Variants in ABL2 observed in about 807,000 individuals in gnomAD.
ABL2 encodes the protein tyrosine-protein kinase ABL2.
ABL2 carries 49 observed loss-of-function variants against 107.7 expected under a neutral mutation model. That is an observed-to-expected ratio of 0.45 (90% CI 0.36 to 0.58). The LOEUF is 0.58. Among genes scored for constraint, ABL2 ranks in the 20% least tolerant of loss-of-function variants. The probability of loss-of-function intolerance (pLI) is 0.00; values close to 1 mark genes in which losing one functional copy is unlikely to be tolerated. For missense variants in ABL2, 1,245 were observed against 1,457.0 expected, an observed-to-expected ratio of 0.85 and a Z score of 2.37; for synonymous variants, 549 against 548.6, an observed-to-expected ratio of 1.00 and a Z score of -0.01.
Position 179,147,062 on chromosome 1 carries a change from T to TA in ABL2, c.158-13689dup, listed in dbSNP as rs879571231. On this transcript the variant is annotated intron_variant, in intron 1 of 11. Transcript: ENST00000502732. ...ACATGACAGAGCCAGACCCTGTCTT[T>TA]AAAAAAAAAAAATTTAAAAAGTAGG... is the stretch of plus-strand genomic sequence containing the variant. 7.3e-3 allele frequency among the ~76,000 whole-genome samples: 1,033 copies of TA among 140,608 alleles called. 11 individuals are homozygous for TA. Among genetic ancestry groups the TA allele is most frequent in the African/African-American group, 0.021 (808 of 38,550 alleles). The allele number at this position is 140,608 out of a possible 152,430, so 92.2% of individuals were successfully genotyped here.
rs1653629374 is a variant in ABL2 at position 179,108,134 on chromosome 1, G to A, written c.3133C>T (p.Gln1045Ter). The stretch of plus-strand genomic sequence containing the variant: ...ATGGAAGATGTGGGCAGAGGCACTT[G>A]AGGTGGAGGCATCACTGGCCTCCCA... Reference protein sequence around the residue: ...KAGRPVMPPPQVPLPTSSISP... With the variant: ...KAGRPVMPPP The change falls in exon 12 of 12, where the codon CAA (glutamine) becomes TAA (stop). Residue 1045 changes from glutamine (Q) to a stop codon, truncating the protein, a stop_gained. Transcript: ENST00000502732. LOFTEE classifies it high-confidence loss of function. The A allele has an allele frequency of 2.5e-6, 4 of 1,614,116 alleles. No homozygotes were observed. The highest frequency in any genetic ancestry group is 3.4e-6 in the Non-Finnish European group (4 of 1,180,054).
chr1:179,224,569 T>C (rs1025526986), intron 1 of ABL2, among the ~76,000 whole-genome samples: 2 of 151,238 alleles, frequency 1.3e-5, no homozygotes, highest in Admixed American at 6.6e-5. Flanking sequence ...ACGCCCAGCC[T>C]AAAGTTAATT....
Position 179,108,524 on chromosome 1 carries a change from A to T in ABL2, c.2743T>A (p.Ser915Thr). 6.2e-7 allele frequency: 1 copy of T among 1,614,024 alleles called. No individual in the cohort carries two copies. The highest frequency in any genetic ancestry group is 8.5e-7 in the Non-Finnish European group (1 of 1,179,980). ...AGGACGGGGGCAGCCTTGGCTGGAG[A>T]AGGCCAGCCCGGCTGCTCTCCATCC... ...PEDGEQPGWP[S>T]PAKAAPVLPT... Residue 915 changes from serine to threonine, a missense_variant, in exon 12 of 12, where the codon TCT (serine) becomes ACT (threonine). Ser to Thr is a moderately conservative substitution (Grantham distance 58, BLOSUM62 1). Around this residue, in one of 3 missense-constraint regions of ABL2, gnomAD observed 761 missense variants for 766.4 expected, o/e 0.99. Coordinates refer to ENST00000502732, the MANE Select transcript of ABL2 (RefSeq NM_007314.4).
rs1483284432 is a variant in ABL2, at chr1:179,151,766, CAA to C, written c.158-18394_158-18393del. Among the ~76,000 whole-genome samples the C allele has an allele frequency of 3.9e-5, 6 of 152,174 alleles. No individual in the cohort carries two copies. In the East Asian group the frequency reaches 7.7e-4, roughly 20 times the overall value. On this transcript the variant is annotated intron_variant, in intron 1 of 11. Transcript: ENST00000502732. ...TTAATTTAATTCAATTTCTCCCTAACAAGAGAAATTAAATGCTGAAATGATAA... is the reference window on the plus strand; with the variant it reads ...TTAATTTAATTCAATTTCTCCCTAACGAGAAATTAAATGCTGAAATGATAA...
At chr1:179,123,686 G>T (rs1169261918) in intron 4 of ABL2, among the ~76,000 whole-genome samples, 2 of 152,176 alleles carry the variant, frequency 1.3e-5, no homozygotes, top group African/African-American at 4.8e-5. Flanking sequence ...CTGGAGTGCA[G>T]TGACACAATC....
chr1:179,205,405 T>TA (rs1661911379), intron 1 of ABL2, among the ~76,000 whole-genome samples: 1 of 152,226 alleles, frequency 6.6e-6, no homozygotes, highest in Non-Finnish European at 1.5e-5. Context: ...CCCCCCGGCA[T>TA]TACATGAGAC....
intron 1 of ABL2, among the ~76,000 whole-genome samples, chr1:179,147,181 CAAAA>C (rs58297805): frequency 3.6e-4 from 18 of 50,520 alleles, no homozygotes; most frequent in South Asian, 1.7e-3. Flanking sequence ...CAGAGAAATG[CAAAA>C]AAAAAAAAAA....
intron 8 of ABL2, 69 bp downstream of exon 8, chr1:179,117,263 T>G: frequency 6.9e-7 from 1 of 1,458,996 alleles, no homozygotes; most frequent in South Asian, 1.2e-5. Flanking sequence ...TAAGAGAAGC[T>G]CTAAAGAATC....
At chr1:179,123,030 T>C (rs1443422957) in intron 4 of ABL2, among the ~76,000 whole-genome samples, 2 of 152,196 alleles carry the variant, frequency 1.3e-5, no homozygotes, top group East Asian at 1.9e-4. Context: ...AGAGATACCC[T>C]GATCAAAGTA....
At chr1:179,158,669 C>T (rs867707164) in intron 1 of ABL2, among the ~76,000 whole-genome samples, 2 of 152,164 alleles carry the variant, frequency 1.3e-5, no homozygotes, top group African/African-American at 4.8e-5. Flanking sequence ...TAAAGCCAGA[C>T]ATGGGTAGCG....
rs144546497 is a variant in ABL2, at chr1:179,206,162, T to G, written c.157+23079A>C. Among the ~76,000 whole-genome samples the G allele has an allele frequency of 1.9e-3, 284 of 152,292 alleles. 1 individual carries two copies. Among genetic ancestry groups the G allele is most frequent in the Non-Finnish European group, 3.5e-3 (239 of 68,006 alleles). Reference sequence around the variant, plus strand: ...ACCATTATACATTATAATGTATACATGTACATTATAAAAGTACAATAATTA... The same window carrying G: ...ACCATTATACATTATAATGTATACAGGTACATTATAAAAGTACAATAATTA... On this transcript the variant is annotated intron_variant, in intron 1 of 11. Transcript: ENST00000502732.
At chr1:179,129,476 T>C (rs1424475025) in intron 3 of ABL2, among the ~76,000 whole-genome samples, 3 of 151,974 alleles carry the variant, frequency 2.0e-5, no homozygotes, top group African/African-American at 4.8e-5. Context: ...AGGTCAGGAG[T>C]TCGAGGCCAT....
chr1:179,155,195 T>C lies in ABL2; in HGVS notation c.158-21821A>G, dbSNP rs190234096. Reference sequence around the variant, plus strand: ...CTGGAAAAGTCCTTTTCTTATCTTCTGGTGAAGACTTTGAAAACAGCCAGG... The same window carrying C: ...CTGGAAAAGTCCTTTTCTTATCTTCCGGTGAAGACTTTGAAAACAGCCAGG... On this transcript the variant is annotated intron_variant, in intron 1 of 11. Coordinates refer to ENST00000502732, the MANE Select transcript of ABL2 (RefSeq NM_007314.4). 3.9e-5 allele frequency among the ~76,000 whole-genome samples: 6 copies of C among 152,338 alleles called. No homozygotes were observed. The East Asian group carries it at 1.2e-3, about 29-fold the overall frequency.
At chr1:179,184,474 C>G in intron 1 of ABL2, 1 of 889,470 alleles carries the variant, frequency 1.1e-6, no homozygotes, top group South Asian at 1.5e-5. Context: ...GATGCAGGTG[C>G]TCATATGTTA....
chr1:179,108,221 A>C lies in ABL2; in HGVS notation c.3046T>G (p.Ser1016Ala). ...PTALTAGQST[S>A]ETQEGGKKAA... ...TTCTTTCCTCCTTCCTGTGTTTCTG[A>C]TGTGGACTGTCCTGCAGTTAGGGCA... The change falls in exon 12 of 12, where the codon TCA becomes GCA. Residue 1016 changes from serine to alanine, a missense_variant. Coordinates refer to ENST00000502732, the MANE Select transcript of ABL2 (RefSeq NM_007314.4). The C allele has an allele frequency of 6.2e-7, 1 of 1,613,022 alleles. No individual in the cohort carries two copies. The highest frequency in any genetic ancestry group is 8.5e-7 in the Non-Finnish European group (1 of 1,179,910).
Position 179,099,930 on chromosome 1 carries a change from A to C in ABL2, c.*7788T>G. 4.3e-6 allele frequency: 1 copy of C among 232,538 alleles called. No individual in the cohort carries two copies. Among genetic ancestry groups the C allele is most frequent in the Non-Finnish European group, 8.5e-6 (1 of 117,668 alleles). The allele number at this position is 232,538 out of a possible 1,614,324, so 14.4% of individuals were successfully genotyped here. Reference sequence around the variant, plus strand: ...CAGCCTGTTCACAGTCAACACACCAACCACGCCACTGCTGTTCATCCAAGG... The same window carrying C: ...CAGCCTGTTCACAGTCAACACACCACCCACGCCACTGCTGTTCATCCAAGG... On this transcript the variant is annotated 3_prime_UTR_variant, in exon 12 of 12. Transcript: ENST00000502732.
chr1:179,186,455 T>G (rs954464157), intron 1 of ABL2, among the ~76,000 whole-genome samples: 1 of 152,098 alleles, frequency 6.6e-6, no homozygotes. Context: ...CTTGGCTCAC[T>G]GAAATCTCCG....
At chr1:179,138,103 C>G (rs1011148163) in intron 1 of ABL2, among the ~76,000 whole-genome samples, 1 of 152,210 alleles carries the variant, frequency 6.6e-6, no homozygotes, top group African/African-American at 2.4e-5. Flanking sequence ...GTGTTTTAAG[C>G]ACACAGCATT....
Position 179,107,374 on chromosome 1 carries a change from G to C in ABL2, c.*344C>G, listed in dbSNP as rs925509439. 3.8e-5 allele frequency: 11 copies of C among 292,624 alleles called. No individual in the cohort carries two copies. Among genetic ancestry groups the C allele is most frequent in the African/African-American group, 2.3e-4 (11 of 47,046 alleles). 18.1% of individuals were successfully genotyped at this position (292,624 alleles called of 1,614,324 possible). On this transcript the variant is annotated 3_prime_UTR_variant, in exon 12 of 12. Transcript: ENST00000502732. ...CCCAGGTCTGGGTGCAGCTGCTGCA[G>C]TCTTGCTGAGAGCAGCCCTGCCTAG...
Sources: allele counts gnomAD v4.1 joint callset (sites outside exome capture counted in the v4.1 genomes callset), GRCh38; gene constraint gnomAD v4.1.1; regional missense constraint gnomAD v4.1.1; transcripts MANE v1.5; gene names NCBI Gene and HGNC (gene_info 2026-07-23, HGNC 2026-07-21).